Variants in IPO11 observed in about 807,000 individuals in gnomAD.
IPO11 encodes the protein importin 11.
IPO11 carries 66 observed loss-of-function variants against 143.2 expected under a neutral mutation model. That is an observed-to-expected ratio of 0.46 (90% CI 0.38 to 0.57). The LOEUF is 0.57. IPO11 is among the 20% of genes least tolerant of loss of function. The probability of loss-of-function intolerance (pLI) is 0.00; values close to 1 mark genes in which losing one functional copy is unlikely to be tolerated. For synonymous variants in IPO11, 385 were observed against 377.8 expected, an observed-to-expected ratio of 1.02 and a Z score of -0.22; for missense variants, 1,026 against 1,141.0, an observed-to-expected ratio of 0.90 and a Z score of 1.45.
chr5:62,475,185 A>G (rs1271161019), intron 8 of IPO11, among the ~76,000 whole-genome samples: 2 of 151,934 alleles, frequency 1.3e-5, no homozygotes, highest in East Asian at 1.9e-4. Flanking sequence ...GGAATTGCAG[A>G]TATGAGCCAC....
chr5:62,479,681 A>T (rs1290961180), intron 9 of IPO11, among the ~76,000 whole-genome samples: 1 of 152,220 alleles, frequency 6.6e-6, no homozygotes. Flanking sequence ...CATCTCTCTG[A>T]TAGCCAGTGA....
intron 29 of IPO11, among the ~76,000 whole-genome samples, chr5:62,626,787 C>T (rs1488741644): frequency 6.6e-6 from 1 of 151,950 alleles, no homozygotes; most frequent in Non-Finnish European, 1.5e-5. Flanking sequence ...CAGTGGCCTA[C>T]CCTACCCTAT....
rs759263278 is a variant in IPO11 at position 62,601,793 on chromosome 5, C to T, written c.2708C>T (p.Pro903Leu). The change falls in exon 29 of 30, where the codon CCA (proline) becomes CTA (leucine). Residue 903 changes from proline (P) to leucine (L), a missense_variant. Around this residue, in one of 5 missense-constraint regions of IPO11, gnomAD observed 351 missense variants for 358.9 expected, o/e 0.98. Coordinates refer to ENST00000325324, the MANE Select transcript of IPO11 (RefSeq NM_016338.5). ...DCMLMSHLEE[P>L]KVTEDEEPPT... ...ATGTTGATGTCTCATCTTGAGGAAC[C>T]AAAAGTAACAGAAGATGAAGAACCA... The T allele has an allele frequency of 6.3e-7, 1 of 1,587,690 alleles. No homozygotes were observed. The highest frequency in any genetic ancestry group is 1.2e-5 in the South Asian group (1 of 85,716).
intron 26 of IPO11, among the ~76,000 whole-genome samples, chr5:62,553,806 G>T (rs1743476591): frequency 6.6e-6 from 1 of 152,082 alleles, no homozygotes; most frequent in African/African-American, 2.4e-5. Flanking sequence ...AGGCTGGAGT[G>T]CAGTGGCACG....
chr5:62,596,935 C>T lies in IPO11; in HGVS notation c.2679-4829C>T, dbSNP rs115080659. On this transcript the variant is annotated intron_variant, in intron 28 of 29. Transcript: ENST00000325324. ...TATGGCTTGACTAATAATATTTCTG[C>T]TCCTTGGTGTGTCAAGCCCTTATCC... Among the ~76,000 whole-genome samples the T allele has an allele frequency of 7.1e-3, 1,082 of 152,288 alleles. 14 individuals are homozygous for T. The highest frequency in any genetic ancestry group is 0.024 in the African/African-American group (1,017 of 41,564).
chr5:62,621,889 A>T (rs1395420151), intron 29 of IPO11, among the ~76,000 whole-genome samples: 1 of 152,104 alleles, frequency 6.6e-6, no homozygotes, highest in Non-Finnish European at 1.5e-5. Context: ...TAAAAAAAAA[A>T]GTCATCAACA....
chr5:62,498,942 T>C (rs1741248000), intron 16 of IPO11, among the ~76,000 whole-genome samples: 1 of 152,246 alleles, frequency 6.6e-6, no homozygotes, highest in African/African-American at 2.4e-5. Context: ...AGTAAATTAC[T>C]AGAAATTCAG....
chr5:62,481,735 C>A (rs1404155405), intron 9 of IPO11, among the ~76,000 whole-genome samples: 2 of 152,122 alleles, frequency 1.3e-5, no homozygotes, highest in Non-Finnish European at 2.9e-5. Context: ...GATTGTTCAT[C>A]AGGGATATTG....
intron 16 of IPO11, among the ~76,000 whole-genome samples, chr5:62,500,027 A>G (rs933143048): frequency 5.9e-5 from 9 of 152,318 alleles, no homozygotes; most frequent in Non-Finnish European, 8.8e-5. Flanking sequence ...GCTCACGCCT[A>G]TAATCCAAGC....
intron 16 of IPO11, 99 bp downstream of exon 16, chr5:62,494,223 A>G (rs1741048494): frequency 2.8e-6 from 3 of 1,084,192 alleles, no homozygotes; most frequent in Non-Finnish European, 3.8e-6. Context: ...TATGATGTTT[A>G]TGGCCTTTCA....
chr5:62,461,788 T>G (rs1209396266), intron 5 of IPO11, among the ~76,000 whole-genome samples: 1 of 152,236 alleles, frequency 6.6e-6, no homozygotes, highest in Non-Finnish European at 1.5e-5. Flanking sequence ...GTTAAGTACT[T>G]CTTATCTGCA....
intron 16 of IPO11, among the ~76,000 whole-genome samples, chr5:62,500,416 G>A (rs1346607062): frequency 2.0e-5 from 3 of 152,164 alleles, no homozygotes; most frequent in Admixed American, 1.3e-4. Context: ...GAAGTATAGT[G>A]TAGCATATAC....
chr5:62,568,167 T>C (rs1744019526), intron 27 of IPO11, among the ~76,000 whole-genome samples: 1 of 151,368 alleles, frequency 6.6e-6, no homozygotes, highest in Non-Finnish European at 1.5e-5. Flanking sequence ...GGTTTTGCCA[T>C]GTTGCCCAGT....
At chr5:62,500,294 A>G (rs1455993095) in intron 16 of IPO11, among the ~76,000 whole-genome samples, 1 of 152,132 alleles carries the variant, frequency 6.6e-6, no homozygotes, top group African/African-American at 2.4e-5. Context: ...AAAAGAAACA[A>G]CAACAAAAAA....
At chr5:62,560,049 T>A (rs1375556490) in intron 26 of IPO11, among the ~76,000 whole-genome samples, 2 of 152,084 alleles carry the variant, frequency 1.3e-5, no homozygotes, top group African/African-American at 2.4e-5. Context: ...TATAGGGAAT[T>A]GCTGTATGTG....
intron 27 of IPO11, among the ~76,000 whole-genome samples, chr5:62,566,195 A>G (rs959343057): frequency 6.6e-6 from 1 of 152,272 alleles, no homozygotes; most frequent in Admixed American, 6.5e-5. Flanking sequence ...ATCCTTGAGG[A>G]ATTGCCACAC....
chr5:62,454,571 AGCTGGATAGCTTGTGTGAGTTAGCTTCTT>A (rs1321483713), intron 5 of IPO11, among the ~76,000 whole-genome samples: 1 of 152,222 alleles, frequency 6.6e-6, no homozygotes, highest in Non-Finnish European at 1.5e-5. Flanking sequence ...CAGGGCCTTA[AGCTGGATAGCTTGTGTGAGTTAGCTTCTT>A]GCTTGTTTTT....
chr5:62,474,427 T>C lies in IPO11; in HGVS notation c.720T>C (p.His240=), dbSNP rs1745885709. The change falls in exon 8 of 30, where the codon CAT becomes CAC. Residue 240 remains histidine, a synonymous_variant. Transcript: ENST00000325324. ...ATATTCTTTTCTAGGGTTTTTTACA[T>C]GGAATATTTGAACGTCTAAAACAGT... The part of the protein sequence containing the change: ...HKNMEVMGFL[H]GIFERLKQFL... 1 of 1,559,784 alleles carries C rather than the reference T, an allele frequency of 6.4e-7. No homozygotes were observed. Among genetic ancestry groups the C allele is most frequent in the Non-Finnish European group, 8.7e-7 (1 of 1,152,100 alleles).
intron 29 of IPO11, among the ~76,000 whole-genome samples, chr5:62,623,379 A>G (rs537195234): frequency 4.3e-4 from 66 of 152,300 alleles, no homozygotes; most frequent in Middle Eastern, 3.4e-3. Flanking sequence ...AAATTTAGCA[A>G]TTATTTAGTA....
Sources: gnomAD v4.1 joint callset for allele counts (sites outside exome capture counted in the v4.1 genomes callset) on GRCh38, gnomAD v4.1.1 for gene constraint, gnomAD v4.1.1 regional missense constraint, MANE v1.5 for transcripts, NCBI Gene and HGNC (gene_info 2026-07-23, HGNC 2026-07-21) for gene names.